The following WBP1L variants were observed in gnomAD, a reference collection of about 807,000 sequenced individuals.
The protein encoded by WBP1L is WW domain binding protein 1 like.
A neutral mutation model predicts 33.7 loss-of-function variants in WBP1L; 17 were observed. The ratio of observed to expected loss-of-function variants is 0.50; its 90% CI spans 0.34 to 0.76. The LOEUF (loss-of-function observed/expected upper bound fraction) is 0.76, where lower values mean the gene tolerates loss of function less well. WBP1L is among the 30% of genes least tolerant of loss of function. The pLI is 0.01. For synonymous variants in WBP1L, 173 were observed against 190.8 expected, an observed-to-expected ratio of 0.91 and a Z score of 0.77; for missense variants, 389 against 469.4, an observed-to-expected ratio of 0.83 and a Z score of 1.58.
At chr10:102,768,632 A>G (rs1436220877) in intron 1 of WBP1L, among the ~76,000 whole-genome samples, 1 of 33,622 alleles carries the variant, frequency 3.0e-5, no homozygotes, top group Non-Finnish European at 5.2e-5. Flanking sequence ...CTCATGATCC[A>G]CCCGCCTCGG....
chr10:102,784,914 T>A (rs1843393606), intron 1 of WBP1L, among the ~76,000 whole-genome samples: 2 of 149,902 alleles, frequency 1.3e-5, no homozygotes, highest in Non-Finnish European at 3.0e-5. Context: ...TCTTGCTCTG[T>A]TACCTGGGCT....
intron 1 of WBP1L, among the ~76,000 whole-genome samples, chr10:102,787,479 T>C (rs1268897893): frequency 2.0e-5 from 3 of 151,960 alleles, no homozygotes; most frequent in African/African-American, 7.3e-5. Flanking sequence ...TCCTAGCTAA[T>C]TGGGAGGCTG....
At chr10:102,771,763 G>A (rs904572372) in intron 1 of WBP1L, among the ~76,000 whole-genome samples, 5 of 150,362 alleles carry the variant, frequency 3.3e-5, no homozygotes, top group African/African-American at 9.8e-5. Flanking sequence ...AGCCAAGATC[G>A]TGCCACCACA....
intron 1 of WBP1L, among the ~76,000 whole-genome samples, chr10:102,796,410 C>T (rs865906135): frequency 1.3e-5 from 2 of 152,162 alleles, no homozygotes; most frequent in Admixed American, 6.5e-5. Flanking sequence ...TTGTCCTCTC[C>T]GTGTGGCTTC....
At chr10:102,812,483 G>T (rs1476038793) in intron 3 of WBP1L, 112 bp from the exon 4 acceptor site, 2 of 1,293,130 alleles carry the variant, frequency 1.5e-6, no homozygotes, top group Non-Finnish European at 2.1e-6. Context: ...GCCATCACTT[G>T]TTGGGTGCTC....
intron 1 of WBP1L, among the ~76,000 whole-genome samples, chr10:102,745,414 A>G (rs1429902741): frequency 6.6e-6 from 1 of 152,176 alleles, no homozygotes; most frequent in Admixed American, 6.5e-5. Flanking sequence ...AAACATTTTC[A>G]TCACCCCAAT....
intron 2 of WBP1L, among the ~76,000 whole-genome samples, chr10:102,800,536 C>T (rs143041093): frequency 6.6e-6 from 1 of 152,258 alleles, no homozygotes; most frequent in African/African-American, 2.4e-5. Context: ...TAGCTACGGG[C>T]GTTTAGGAAA....
chr10:102,788,698 G>A (rs770864393), intron 1 of WBP1L, among the ~76,000 whole-genome samples: 1 of 152,178 alleles, frequency 6.6e-6, no homozygotes, highest in Non-Finnish European at 1.5e-5. Context: ...TAGATATGCA[G>A]TGCTAGACTT....
chr10:102,771,186 A>G (rs1843182354), intron 1 of WBP1L, among the ~76,000 whole-genome samples: 2 of 152,352 alleles, frequency 1.3e-5, no homozygotes, highest in African/African-American at 4.8e-5. Context: ...ATGTTGCCAA[A>G]AGATACTTAA....
In WBP1L at chr10:102,784,141, T is replaced by C. The variant is rs141268666; in HGVS notation, c.91-13852T>C. On this transcript the variant is annotated intron_variant, in intron 1 of 3. Transcript: ENST00000448841. ...CTGAAAAGTCGGATGGAACTGACGT[T>C]TCATCCCTTACTCAAATAACCGGGA... is the stretch of plus-strand genomic sequence containing the variant. 4.7e-3 allele frequency among the ~76,000 whole-genome samples: 714 copies of C among 152,162 alleles called. 3 individuals are homozygous for C. The highest frequency in any genetic ancestry group is 0.016 in the African/African-American group (670 of 41,514).
At chr10:102,772,771 T>C (rs1466623598) in intron 1 of WBP1L, among the ~76,000 whole-genome samples, 1 of 151,094 alleles carries the variant, frequency 6.6e-6, no homozygotes, top group African/African-American at 2.5e-5. Context: ...GGTTTTGCCA[T>C]GTTGCCCAAG....
chr10:102,779,100 T>C (rs1390858570), intron 1 of WBP1L, among the ~76,000 whole-genome samples: 1 of 151,908 alleles, frequency 6.6e-6, no homozygotes, highest in Non-Finnish European at 1.5e-5. Context: ...TAGAGTATGA[T>C]TAATGCATTG....
intron 2 of WBP1L, among the ~76,000 whole-genome samples, chr10:102,802,581 C>T (rs1485263465): frequency 3.3e-5 from 5 of 152,108 alleles, no homozygotes; most frequent in Non-Finnish European, 7.4e-5. Flanking sequence ...GGCATGATCT[C>T]GCTTCCCAGG....
intron 2 of WBP1L, among the ~76,000 whole-genome samples, chr10:102,806,060 C>A (rs1283072204): frequency 1.2e-4 from 16 of 134,504 alleles, no homozygotes; most frequent in Non-Finnish European, 2.0e-4. Flanking sequence ...AAAAAAAAAA[C>A]CAATTAGATG....
intron 2 of WBP1L, among the ~76,000 whole-genome samples, chr10:102,805,614 C>T (rs1336207197): frequency 2.6e-5 from 4 of 152,062 alleles, no homozygotes; most frequent in Non-Finnish European, 5.9e-5. Context: ...AAAGTTTGGC[C>T]ATCTCTGGTA....
At chr10:102,747,567 G>A (rs1174579659) in intron 1 of WBP1L, among the ~76,000 whole-genome samples, 1 of 152,106 alleles carries the variant, frequency 6.6e-6, no homozygotes, top group Non-Finnish European at 1.5e-5. Context: ...TGTTGCCCAG[G>A]CTGGAGTGTA....
At chr10:102,772,978 T>C (rs1001468308) in intron 1 of WBP1L, among the ~76,000 whole-genome samples, 1 of 151,348 alleles carries the variant, frequency 6.6e-6, no homozygotes. Flanking sequence ...TAATTCTGCA[T>C]TGGCAGGCGG....
chr10:102,791,187 G>T (rs1843492781), intron 1 of WBP1L, among the ~76,000 whole-genome samples: 1 of 152,152 alleles, frequency 6.6e-6, no homozygotes, highest in Non-Finnish European at 1.5e-5. Context: ...AGGTCAACTG[G>T]AAAGGCCTGA....
chr10:102,744,021 G>A lies in WBP1L; in HGVS notation c.-33G>A. The stretch of plus-strand genomic sequence containing the variant: ...AGGGAGGAGGAGGAGGGAGGTGGCG[G>A]CGCCGTGGCGGAGGAGCAGGAGCAG... On this transcript the variant is annotated 5_prime_UTR_variant, in exon 1 of 4. Coordinates refer to ENST00000448841, the MANE Select transcript of WBP1L (RefSeq NM_001083913.2). 6.7e-7 allele frequency: 1 copy of A among 1,498,856 alleles called. No homozygotes were observed. Among genetic ancestry groups the A allele is most frequent in the African/African-American group, 1.4e-5 (1 of 72,064 alleles). The allele number at this position is 1,498,856 out of a possible 1,614,324, so 92.8% of individuals were successfully genotyped here.
Sources: gnomAD v4.1 joint callset for allele counts (sites outside exome capture counted in the v4.1 genomes callset) on GRCh38, gnomAD v4.1.1 for gene constraint, MANE v1.5 for transcripts, NCBI Gene and HGNC (gene_info 2026-07-23, HGNC 2026-07-21) for gene names.